The following SUPT3H variants were observed in gnomAD, a reference collection of about 807,000 sequenced individuals.
The protein encoded by SUPT3H is SPT3 homolog, SAGA and STAGA complex component, also known as transcription initiation protein SPT3 homolog.
A neutral mutation model predicts 44.3 loss-of-function variants in SUPT3H; 44 were observed. The observed-to-expected ratio is 0.99, with a 90% confidence interval of 0.78 to 1.28. The LOEUF (loss-of-function observed/expected upper bound fraction) is 1.28, where lower values mean the gene tolerates loss of function less well. Among genes scored for constraint, SUPT3H ranks in the 50% most tolerant of loss-of-function variants. The probability of loss-of-function intolerance (pLI) is 0.00; values close to 1 mark genes in which losing one functional copy is unlikely to be tolerated. For synonymous variants in SUPT3H, 124 were observed against 125.6 expected (o/e 0.99, Z 0.09); for missense variants, 380 against 387.1 (o/e 0.98, Z 0.15).
intron 4 of SUPT3H, among the ~76,000 whole-genome samples, chr6:45,018,233 A>C (rs1249196031): frequency 6.6e-6 from 1 of 152,164 alleles, no homozygotes; most frequent in South Asian, 2.1e-4. Flanking sequence ...TTATCAACTT[A>C]AGGAGATTTT....
chr6:45,166,227 T>C lies in SUPT3H; in HGVS notation c.102-60221A>G, dbSNP rs1057100950. Among the ~76,000 whole-genome samples the C allele has an allele frequency of 9.2e-5, 14 of 152,220 alleles. 1 individual carries two copies. The East Asian group carries it at 2.5e-3, about 27-fold the overall frequency. On this transcript the variant is annotated intron_variant, in intron 2 of 10. Transcript: ENST00000371459. ...AAGATGGCTTGCATCTGGGAGCTTA[T>C]GGCTGCAGTGAGCGTGATTGCACTG... is the stretch of plus-strand genomic sequence containing the variant.
At chr6:45,281,947 C>T (rs1778180508) in intron 2 of SUPT3H, among the ~76,000 whole-genome samples, 2 of 152,202 alleles carry the variant, frequency 1.3e-5, no homozygotes, top group Non-Finnish European at 1.5e-5. Flanking sequence ...TGCTGTTCTG[C>T]AGCATCCACT....
intron 2 of SUPT3H, among the ~76,000 whole-genome samples, chr6:45,323,974 A>G (rs1785949930): frequency 6.6e-6 from 1 of 152,086 alleles, no homozygotes; most frequent in Admixed American, 6.6e-5. Context: ...TTTTGTCAGT[A>G]GCATGTTTGA....
At chr6:45,310,091 G>A (rs1209402045) in intron 2 of SUPT3H, among the ~76,000 whole-genome samples, 2 of 152,194 alleles carry the variant, frequency 1.3e-5, no homozygotes, top group African/African-American at 4.8e-5. Flanking sequence ...GCTGTTGTGG[G>A]CAGCACGGTG....
At chr6:45,151,564 TAGAAAC>T (rs1261518743) in intron 2 of SUPT3H, among the ~76,000 whole-genome samples, 1 of 152,258 alleles carries the variant, frequency 6.6e-6, no homozygotes, top group East Asian at 1.9e-4. Context: ...ATCAGGCCCT[TAGAAAC>T]AGAAAGTTAA....
At chr6:45,158,304 T>A (rs867109050) in intron 2 of SUPT3H, among the ~76,000 whole-genome samples, 1,716 of 77,306 alleles carry the variant, frequency 0.022, 65 homozygotes, top group Non-Finnish European at 0.039. Flanking sequence ...ATATATTTTT[T>A]TTTTTTTTTT....
At chr6:45,081,265 G>A (rs754203035) in intron 3 of SUPT3H, among the ~76,000 whole-genome samples, 17 of 151,910 alleles carry the variant, frequency 1.1e-4, no homozygotes, top group Non-Finnish European at 5.9e-5. Flanking sequence ...CTTCACTCCA[G>A]AAATACTGAT....
chr6:45,171,713 C>CTTTTTTTTTTTTT lies in SUPT3H; in HGVS notation c.102-65720_102-65708dup, dbSNP rs777154020. On this transcript the variant is annotated intron_variant, in intron 2 of 10. Transcript: ENST00000371459. ...AAGGCATTAACAAAAATTCCACTTG[C>CTTTTTTTTTTTTT]TTTTTTTTTTTTTTTTTTTTTTTTG... is the stretch of plus-strand genomic sequence containing the variant. Among the ~76,000 whole-genome samples, 4 of 93,474 alleles carry CTTTTTTTTTTTTT rather than the reference C, an allele frequency of 4.3e-5. 1 individual carries two copies. The highest frequency in any genetic ancestry group is 3.4e-4 in the East Asian group (1 of 2,936). 61.3% of individuals were successfully genotyped at this position (93,474 alleles called of 152,430 possible). A position where few individuals can be genotyped will look rare whatever the true frequency, so the allele number is the denominator to read the frequency against.
intron 10 of SUPT3H, among the ~76,000 whole-genome samples, chr6:44,895,852 A>C (rs1346148121): frequency 6.6e-6 from 1 of 152,026 alleles, no homozygotes; most frequent in African/African-American, 2.4e-5. Context: ...TTATCCAAAT[A>C]AGTAAGAAAC....
At chr6:44,877,124 C>T (rs1392437374) in intron 10 of SUPT3H, among the ~76,000 whole-genome samples, 1 of 152,104 alleles carries the variant, frequency 6.6e-6, no homozygotes, top group African/African-American at 2.4e-5. Context: ...GAGCATTTTC[C>T]CAAGCCATTC....
chr6:45,051,020 G>T (rs1479715138), intron 3 of SUPT3H, among the ~76,000 whole-genome samples: 1 of 151,914 alleles, frequency 6.6e-6, no homozygotes, highest in Non-Finnish European at 1.5e-5. Context: ...GAGTAGCTGG[G>T]ACTACAGGGG....
intron 3 of SUPT3H, among the ~76,000 whole-genome samples, chr6:45,094,524 G>A (rs1280600537): frequency 3.3e-5 from 5 of 152,128 alleles, no homozygotes; most frequent in Admixed American, 2.0e-4. Flanking sequence ...TATGTTAAGA[G>A]TGGGAGAAAG....
At chr6:44,927,374 A>T (rs1486209701) in intron 10 of SUPT3H, among the ~76,000 whole-genome samples, 5 of 152,174 alleles carry the variant, frequency 3.3e-5, no homozygotes, top group Non-Finnish European at 7.4e-5. Flanking sequence ...TAACAGTAGC[A>T]TTTCTTTCAT....
chr6:45,081,743 A>G (rs1447413847), intron 3 of SUPT3H, among the ~76,000 whole-genome samples: 2 of 152,152 alleles, frequency 1.3e-5, no homozygotes, highest in Non-Finnish European at 2.9e-5. Flanking sequence ...GTTCTACCTT[A>G]AGAGTGGCAA....
chr6:45,207,623 G>C (rs895627376), intron 2 of SUPT3H, among the ~76,000 whole-genome samples: 19 of 152,230 alleles, frequency 1.2e-4, no homozygotes, highest in South Asian at 8.3e-4. Context: ...ATATCTCTGT[G>C]TCATGTTTTG....
intron 2 of SUPT3H, among the ~76,000 whole-genome samples, chr6:45,168,586 A>G (rs1022481783): frequency 6.6e-6 from 1 of 152,194 alleles, no homozygotes; most frequent in African/African-American, 2.4e-5. Flanking sequence ...TTTGGGGATC[A>G]CACAGTAAAT....
chr6:45,283,239 T>A (rs1469502762), intron 2 of SUPT3H, among the ~76,000 whole-genome samples: 4 of 152,034 alleles, frequency 2.6e-5, no homozygotes, highest in Non-Finnish European at 5.9e-5. Flanking sequence ...ATAACAATAT[T>A]AACCTTAAAT....
intron 10 of SUPT3H, among the ~76,000 whole-genome samples, chr6:44,850,073 A>G (rs1361829064): frequency 6.6e-6 from 1 of 152,232 alleles, no homozygotes. Context: ...AGAACTGGTC[A>G]GAGATGATGA....
At chr6:44,885,138 A>G (rs1291915121) in intron 10 of SUPT3H, among the ~76,000 whole-genome samples, 1 of 152,226 alleles carries the variant, frequency 6.6e-6, no homozygotes, top group Non-Finnish European at 1.5e-5. Flanking sequence ...GGAGCCCACC[A>G]CAGCTCAAGG....
Sources: allele counts gnomAD v4.1 joint callset (sites outside exome capture counted in the v4.1 genomes callset), GRCh38; gene constraint gnomAD v4.1.1; transcripts MANE v1.5; gene names NCBI Gene and HGNC (gene_info 2026-07-23, HGNC 2026-07-21).